The following OR10J1 variants were observed in gnomAD, a reference collection of about 807,000 sequenced individuals.
OR10J1 encodes olfactory receptor family 10 subfamily J member 1, also known as olfactory receptor 10J1.
For synonymous variants in OR10J1, 202 were observed against 143.8 expected (o/e 1.40, Z -2.89); for missense variants, 474 against 376.6 (o/e 1.26, Z -2.14).
At chr1:159,422,959 G>A in the OR10J1 span, among the ~76,000 whole-genome samples, 1 of 152,060 alleles carries the variant, frequency 6.6e-6, no homozygotes, top group South Asian at 2.1e-4. Context: ...CTGTTCTGTT[G>A]AATTCTAGTG....
At chr1:159,436,677 A>AG (rs1485568700), upstream of OR10J1, among the ~76,000 whole-genome samples, 2 of 152,090 alleles carry the variant, frequency 1.3e-5, no homozygotes, top group East Asian at 3.8e-4. Flanking sequence ...TTTAAAAAAA[A>AG]AAAAAAGTAT....
the OR10J1 span, among the ~76,000 whole-genome samples, chr1:159,429,276 A>G: frequency 6.6e-6 from 1 of 152,220 alleles, no homozygotes; most frequent in Admixed American, 6.5e-5. Context: ...CTAGCATGTG[A>G]GAGACATTCT....
the OR10J1 span, among the ~76,000 whole-genome samples, chr1:159,424,356 G>A: frequency 6.6e-6 from 1 of 150,852 alleles, no homozygotes; most frequent in African/African-American, 2.4e-5. Flanking sequence ...TTAAATGCAT[G>A]TAAATATGCA....
At chr1:159,398,429 C>G in the OR10J1 span, among the ~76,000 whole-genome samples, 5 of 152,068 alleles carry the variant, frequency 3.3e-5, no homozygotes, top group Non-Finnish European at 7.4e-5. Context: ...GGGACCAATC[C>G]TGAAAAAACA....
At chr1:159,422,421 G>T in the OR10J1 span, among the ~76,000 whole-genome samples, 1 of 152,178 alleles carries the variant, frequency 6.6e-6, no homozygotes, top group Non-Finnish European at 1.5e-5. Flanking sequence ...GCACCAGCCT[G>T]CAATGGAGGC....
chr1:159,430,351 C>T, the OR10J1 span, among the ~76,000 whole-genome samples: 39 of 152,114 alleles, frequency 2.6e-4, no homozygotes, highest in Admixed American at 2.6e-3. Flanking sequence ...TCATAGCAGT[C>T]TCTGAGATAG....
the OR10J1 span, among the ~76,000 whole-genome samples, chr1:159,428,670 G>A: frequency 1.4e-4 from 21 of 152,262 alleles, no homozygotes; most frequent in East Asian, 3.5e-3. Flanking sequence ...TAAATATGCC[G>A]TAAATTCATC....
At chr1:159,433,097 G>A (rs887083989), upstream of OR10J1, 1 of 442,782 alleles carries the variant, frequency 2.3e-6, no homozygotes, top group Non-Finnish European at 4.0e-6. Context: ...AGAGGTCAAG[G>A]ATGCCTTGCT....
the OR10J1 span, among the ~76,000 whole-genome samples, chr1:159,414,773 A>C: frequency 6.6e-6 from 1 of 152,178 alleles, no homozygotes; most frequent in Non-Finnish European, 1.5e-5. Flanking sequence ...TAGCCATTCT[A>C]ACCAGGGTAA....
the OR10J1 span, among the ~76,000 whole-genome samples, chr1:159,408,323 G>A: frequency 2.6e-4 from 40 of 152,116 alleles, no homozygotes; most frequent in South Asian, 2.5e-3. Flanking sequence ...TAGGGACATG[G>A]ATGCAATGGG....
the OR10J1 span, among the ~76,000 whole-genome samples, chr1:159,412,685 T>C: frequency 6.6e-6 from 1 of 151,840 alleles, no homozygotes; most frequent in Non-Finnish European, 1.5e-5. Context: ...CAAAAATTAA[T>C]TCAAGATGGA....
At chr1:159,439,607 A>C (rs916439678), upstream of OR10J1, 7 of 696,502 alleles carry the variant, frequency 1.0e-5, no homozygotes, top group African/African-American at 1.3e-4. Context: ...AGATGGTCAC[A>C]GAGTAAAAAT....
chr1:159,419,367 T>C, the OR10J1 span, among the ~76,000 whole-genome samples: 38 of 152,294 alleles, frequency 2.5e-4, no homozygotes, highest in African/African-American at 6.7e-4. Flanking sequence ...TTTCCCATGC[T>C]GTTCTTGTGA....
At chr1:159,429,963 C>A in the OR10J1 span, among the ~76,000 whole-genome samples, 5 of 152,086 alleles carry the variant, frequency 3.3e-5, no homozygotes, top group African/African-American at 1.2e-4. Context: ...TCTCCTGAAT[C>A]CTGAATAAGC....
At chr1:159,421,014 G>A in the OR10J1 span, among the ~76,000 whole-genome samples, 1 of 151,896 alleles carries the variant, frequency 6.6e-6, no homozygotes, top group East Asian at 1.9e-4. Flanking sequence ...TTTTCTTCTT[G>A]TCTTCTGAGA....
the OR10J1 span, among the ~76,000 whole-genome samples, chr1:159,399,570 CAAAAAAAAAAAAA>C: frequency 5.3e-5 from 3 of 56,104 alleles, no homozygotes; most frequent in Non-Finnish European, 9.8e-5. Context: ...GATTCTGTCT[CAAAAAAAAAAAAA>C]AAAAAAAAAA....
At position 159,440,799 on chromosome 1, in the gene OR10J1, G is replaced by T; in HGVS notation, c.*78G>T. 1 of 1,463,024 alleles carries T rather than the reference G, an allele frequency of 6.8e-7. No homozygotes were observed. The highest frequency in any genetic ancestry group is 9.2e-7 in the Non-Finnish European group (1 of 1,086,706). The allele number at this position is 1,463,024 out of a possible 1,614,324, so 90.6% of individuals were successfully genotyped here. ...ATGAGGTGTAAACTCACAAACACTT[G>T]GCTCCTAGAGACCTGCCCCTTAAAT... On this transcript the variant is annotated 3_prime_UTR_variant, in exon 1 of 1. Transcript: ENST00000423932.
At chr1:159,405,680 C>A in the OR10J1 span, 1 of 552,296 alleles carries the variant, frequency 1.8e-6, no homozygotes, top group South Asian at 1.7e-5. Context: ...TTCCTACCCT[C>A]AGTTGAAGCA....
the OR10J1 span, among the ~76,000 whole-genome samples, chr1:159,431,199 G>A: frequency 6.6e-6 from 1 of 152,192 alleles, no homozygotes; most frequent in South Asian, 2.1e-4. Context: ...AATGTTCTAG[G>A]TCAGCACACT....
Sources: allele counts gnomAD v4.1 joint callset (sites outside exome capture counted in the v4.1 genomes callset), GRCh38; gene constraint gnomAD v4.1.1; transcripts MANE v1.5; gene names NCBI Gene and HGNC (gene_info 2026-07-23, HGNC 2026-07-21).